The following SUGP1 variants were observed in gnomAD, a reference collection of about 807,000 sequenced individuals.
The protein encoded by SUGP1 is SURP and G-patch domain containing 1.
In SUGP1, 34 loss-of-function variants were observed where a neutral mutation model predicts 76.5. The ratio of observed to expected loss-of-function variants is 0.44; its 90% CI spans 0.34 to 0.59. The LOEUF (loss-of-function observed/expected upper bound fraction) is 0.59. SUGP1 is among the 20% of genes least tolerant of loss of function. SUGP1 has a pLI of 0.01. For missense variants in SUGP1, 752 were observed against 851.7 expected (o/e 0.88, Z 1.46); for synonymous variants, 326 against 326.2 (o/e 1.00, Z 0.01).
At chr19:19,302,912 T>C (rs1285725403) in intron 6 of SUGP1, among the ~76,000 whole-genome samples, 1 of 152,128 alleles carries the variant, frequency 6.6e-6, no homozygotes, top group East Asian at 1.9e-4. Context: ...CCCATCAGAA[T>C]TGCACCAGCT....
At chr19:19,318,031 G>A (rs988991604) in intron 1 of SUGP1, among the ~76,000 whole-genome samples, 5 of 149,908 alleles carry the variant, frequency 3.3e-5, no homozygotes, top group African/African-American at 7.4e-5. Flanking sequence ...GGCTGGTCTC[G>A]AACTCCCGTC....
chr19:19,278,666 G>A (rs1423045755), intron 11 of SUGP1, 24 bp downstream of exon 11: 3 of 1,592,446 alleles, frequency 1.9e-6, no homozygotes, highest in Non-Finnish European at 2.6e-6. Context: ...GCAGAGGCTG[G>A]AGCTAGGGCC....
intron 8 of SUGP1, among the ~76,000 whole-genome samples, chr19:19,293,830 G>T (rs1211400380): frequency 6.6e-6 from 1 of 152,154 alleles, no homozygotes; most frequent in Non-Finnish European, 1.5e-5. Context: ...AGTTGGAAAA[G>T]AACCTGTAAA....
intron 5 of SUGP1, 108 bp downstream of exon 5, chr19:19,303,616 C>T (rs112032697): frequency 3.4e-5 from 49 of 1,458,948 alleles, no homozygotes; most frequent in African/African-American, 2.2e-4. Context: ...AATCAGAAAA[C>T]GCTTGGAACA....
intron 8 of SUGP1, among the ~76,000 whole-genome samples, chr19:19,296,646 C>CA (rs535312697): frequency 0.035 from 3,890 of 109,802 alleles, 108 homozygotes; most frequent in South Asian, 0.13. Context: ...GACTCTGTCT[C>CA]AAAAAAAAAA....
At chr19:19,287,050 G>A (rs2061146004) in intron 8 of SUGP1, among the ~76,000 whole-genome samples, 2 of 152,318 alleles carry the variant, frequency 1.3e-5, no homozygotes, top group Admixed American at 1.3e-4. Context: ...TGAGGCAGAT[G>A]GATCATTTGA....
At chr19:19,282,601 A>G (rs1408766576) in intron 8 of SUGP1, among the ~76,000 whole-genome samples, 1 of 152,168 alleles carries the variant, frequency 6.6e-6, no homozygotes, top group East Asian at 1.9e-4. Flanking sequence ...GCTACCGCCT[A>G]CTGCACACCT....
intron 8 of SUGP1, among the ~76,000 whole-genome samples, chr19:19,294,159 C>A (rs535429124): frequency 4.6e-5 from 7 of 151,834 alleles, no homozygotes; most frequent in African/African-American, 1.7e-4. Flanking sequence ...GGCACTCCAG[C>A]CTGCGTGACA....
In SUGP1 at chr19:19,316,308, T is replaced by C. The variant is rs901483079; in HGVS notation, c.206+114A>G. On this transcript the variant is annotated intron_variant, in intron 2 of 13. Coordinates refer to ENST00000247001, the MANE Select transcript of SUGP1 (RefSeq NM_172231.4). ...GGCATCTGGGTCATTCCTTGGATCA[T>C]CAGGCTATGGCTGGGTGCAAGCACA... The C allele has an allele frequency of 3.8e-6, 5 of 1,321,550 alleles. No individual in the cohort carries two copies. The African/African-American group carries it at 7.3e-5, about 19-fold the overall frequency. 81.9% of individuals were successfully genotyped at this position (1,321,550 alleles called of 1,614,324 possible). A position where few individuals can be genotyped will look rare whatever the true frequency, so the allele number is the denominator to read the frequency against.
chr19:19,309,622 T>C (rs1441606886), intron 3 of SUGP1, among the ~76,000 whole-genome samples: 1 of 151,220 alleles, frequency 6.6e-6, no homozygotes, highest in Non-Finnish European at 1.5e-5. Flanking sequence ...ACTAAAAAGA[T>C]ACAAAAGGCC....
chr19:19,277,344 T>G (rs1226611169), intron 12 of SUGP1, among the ~76,000 whole-genome samples: 1 of 151,590 alleles, frequency 6.6e-6, no homozygotes, highest in African/African-American at 2.4e-5. Flanking sequence ...GGATGGTTAC[T>G]CAAGGACAGC....
chr19:19,311,610 C>T (rs986586610), intron 2 of SUGP1, among the ~76,000 whole-genome samples: 1 of 151,652 alleles, frequency 6.6e-6, no homozygotes, highest in African/African-American at 2.4e-5. Context: ...GCCTGTAGTC[C>T]CAGCTACCCG....
intron 8 of SUGP1, among the ~76,000 whole-genome samples, chr19:19,286,303 A>G (rs1486019620): frequency 6.6e-6 from 1 of 152,178 alleles, no homozygotes; most frequent in Non-Finnish European, 1.5e-5. Flanking sequence ...GGGGGTCGTA[A>G]AAACCCTCAA....
intron 2 of SUGP1, among the ~76,000 whole-genome samples, chr19:19,314,608 C>T (rs2061378993): frequency 6.6e-6 from 1 of 152,200 alleles, no homozygotes; most frequent in African/African-American, 2.4e-5. Context: ...CATACTCACA[C>T]CCTGAGCACT....
chr19:19,318,936 G>A (rs1648596473), intron 1 of SUGP1, among the ~76,000 whole-genome samples: 1 of 152,122 alleles, frequency 6.6e-6, no homozygotes, highest in Non-Finnish European at 1.5e-5. Context: ...TTAAAAGTCT[G>A]AGCCGGGCAT....
At position 19,302,353 on chromosome 19, in the gene SUGP1, C is replaced by G; in HGVS notation, c.799G>C (p.Ala267Pro). The change falls in exon 7 of 14, where the codon GCA (alanine) becomes CCA (proline). Residue 267 changes from alanine (A) to proline (P), a missense_variant. Coordinates refer to ENST00000247001, the MANE Select transcript of SUGP1 (RefSeq NM_172231.4). ...GCTATGAACCTGGCCAACTTTTCTG[C>G]AAGGTTCTTGACCTCTTCGTCCTCT... ...PPEDEEVKNL[A>P]EKLARFIADG... 6.2e-7 allele frequency: 1 copy of G among 1,614,226 alleles called. No homozygotes were observed. Among genetic ancestry groups the G allele is most frequent in the Non-Finnish European group, 8.5e-7 (1 of 1,180,038 alleles).
chr19:19,315,471 A>C (rs2061386957), intron 2 of SUGP1, among the ~76,000 whole-genome samples: 1 of 152,172 alleles, frequency 6.6e-6, no homozygotes, highest in African/African-American at 2.4e-5. Flanking sequence ...GGTCACCCTC[A>C]TCACAACATC....
At chr19:19,295,720 A>G (rs578247932) in intron 8 of SUGP1, among the ~76,000 whole-genome samples, 1 of 152,078 alleles carries the variant, frequency 6.6e-6, no homozygotes, top group East Asian at 1.9e-4. Flanking sequence ...CAAAACAAAC[A>G]AAAACTGGGC....
At chr19:19,289,747 CA>C (rs1205351399) in intron 8 of SUGP1, among the ~76,000 whole-genome samples, 1 of 150,222 alleles carries the variant, frequency 6.7e-6, no homozygotes, top group Non-Finnish European at 1.5e-5. Context: ...GACTCTGCCT[CA>C]AAAAAAACAA....
Sources: gnomAD v4.1 joint callset for allele counts (sites outside exome capture counted in the v4.1 genomes callset) on GRCh38, gnomAD v4.1.1 for gene constraint, MANE v1.5 for transcripts, NCBI Gene and HGNC (gene_info 2026-07-23, HGNC 2026-07-21) for gene names.